Variants in TNFAIP8 observed in about 807,000 individuals in gnomAD.
TNFAIP8 encodes the protein tumor necrosis factor alpha-induced protein 8.
TNFAIP8 carries 7 observed loss-of-function variants against 13.3 expected under a neutral mutation model. That is an observed-to-expected ratio of 0.52 (90% CI 0.30 to 0.99). The LOEUF (loss-of-function observed/expected upper bound fraction) is 0.99, where lower values mean the gene tolerates loss of function less well. Ranked by LOEUF, TNFAIP8 falls within the 50% of genes least tolerant of loss-of-function variation. The pLI is 0.07. For missense variants in TNFAIP8, 258 were observed against 236.9 expected (o/e 1.09, Z -0.58); for synonymous variants, 94 against 87.6 (o/e 1.07, Z -0.41).
chr5:119,274,574 C>T (rs917875547), intron 1 of TNFAIP8, among the ~76,000 whole-genome samples: 1 of 152,192 alleles, frequency 6.6e-6, no homozygotes, highest in African/African-American at 2.4e-5. Context: ...CACACGTAGC[C>T]ACTTTGCTCC....
At chr5:119,370,787 G>A (rs1050431879) in intron 1 of TNFAIP8, among the ~76,000 whole-genome samples, 30 of 152,290 alleles carry the variant, frequency 2.0e-4, no homozygotes, top group Admixed American at 1.7e-3. Flanking sequence ...CAGTAAGTCA[G>A]CTCAAGAAAA....
At chr5:119,376,374 G>C (rs775736856) in intron 1 of TNFAIP8, among the ~76,000 whole-genome samples, 1 of 152,090 alleles carries the variant, frequency 6.6e-6, no homozygotes, top group Non-Finnish European at 1.5e-5. Flanking sequence ...GCCCACCTCA[G>C]CCTCCCAAAG....
intron 1 of TNFAIP8, among the ~76,000 whole-genome samples, chr5:119,317,842 C>A (rs1749945105): frequency 1.3e-5 from 2 of 152,148 alleles, no homozygotes; most frequent in African/African-American, 4.8e-5. Flanking sequence ...AAGTAATCTG[C>A]CCGCCTTGGC....
At chr5:119,389,223 G>C (rs1381098295) in intron 1 of TNFAIP8, among the ~76,000 whole-genome samples, 4 of 152,174 alleles carry the variant, frequency 2.6e-5, no homozygotes, top group African/African-American at 9.7e-5. Context: ...TAGTAGGGAG[G>C]CAGGAGAGAA....
intron 1 of TNFAIP8, among the ~76,000 whole-genome samples, chr5:119,357,077 C>G (rs1751454894): frequency 6.6e-6 from 1 of 152,186 alleles, no homozygotes; most frequent in African/African-American, 2.4e-5. Flanking sequence ...TTGGTAGACA[C>G]CAGTTAGGAA....
chr5:119,339,499 T>C (rs1309580423), intron 1 of TNFAIP8, among the ~76,000 whole-genome samples: 2 of 150,814 alleles, frequency 1.3e-5, no homozygotes. Flanking sequence ...TTTCTCTAAT[T>C]TGGTGACTGG....
At chr5:119,357,592 A>C (rs6882237) in intron 1 of TNFAIP8, among the ~76,000 whole-genome samples, 56,432 of 151,498 alleles carry the variant, frequency 0.37, 12,536 homozygotes, top group African/African-American at 0.62. Context: ...ATACATTCCC[A>C]TAGCAACATC....
intron 1 of TNFAIP8, among the ~76,000 whole-genome samples, chr5:119,329,232 G>T (rs1311092912): frequency 6.6e-6 from 1 of 152,214 alleles, no homozygotes; most frequent in East Asian, 1.9e-4. Flanking sequence ...GATTCTAAGA[G>T]AAATTAGAAG....
At chr5:119,382,098 G>A (rs1752510038) in intron 1 of TNFAIP8, among the ~76,000 whole-genome samples, 1 of 152,018 alleles carries the variant, frequency 6.6e-6, no homozygotes. Context: ...TTCCTAATTA[G>A]CCAGTAGGAA....
At chr5:119,385,560 C>G (rs749786956) in intron 1 of TNFAIP8, among the ~76,000 whole-genome samples, 1 of 152,010 alleles carries the variant, frequency 6.6e-6, no homozygotes, top group Non-Finnish European at 1.5e-5. Context: ...GCAGAGTCCT[C>G]GTAGTACTAA....
At chr5:119,362,986 A>G (rs551823017) in intron 1 of TNFAIP8, among the ~76,000 whole-genome samples, 2 of 152,186 alleles carry the variant, frequency 1.3e-5, no homozygotes, top group African/African-American at 2.4e-5. Flanking sequence ...TTGATTCCCC[A>G]TATGTAGTCT....
intron 1 of TNFAIP8, among the ~76,000 whole-genome samples, chr5:119,370,977 G>A (rs928458791): frequency 1.3e-5 from 2 of 152,126 alleles, no homozygotes; most frequent in African/African-American, 4.8e-5. Context: ...TCTATTTTGT[G>A]ATAATGTAAA....
chr5:119,325,710 A>G (rs1412276632), intron 1 of TNFAIP8, among the ~76,000 whole-genome samples: 1 of 152,074 alleles, frequency 6.6e-6, no homozygotes, highest in Non-Finnish European at 1.5e-5. Context: ...GGCCTCCCAT[A>G]GTGCTGGGAT....
At chr5:119,294,569 G>A (rs1287264959) in intron 1 of TNFAIP8, among the ~76,000 whole-genome samples, 1 of 152,096 alleles carries the variant, frequency 6.6e-6, no homozygotes, top group Admixed American at 6.5e-5. Context: ...CCCAGTAATG[G>A]ATGGCTGGGT....
chr5:119,301,049 C>G (rs750572713), intron 1 of TNFAIP8, among the ~76,000 whole-genome samples: 16 of 152,170 alleles, frequency 1.1e-4, no homozygotes, highest in Non-Finnish European at 1.6e-4. Context: ...AATTCAGATC[C>G]TTATTCATTG....
At chr5:119,362,036 G>A (rs1751654279) in intron 1 of TNFAIP8, among the ~76,000 whole-genome samples, 1 of 152,176 alleles carries the variant, frequency 6.6e-6, no homozygotes. Context: ...CACAGCACAT[G>A]TGCATCCATA....
At chr5:119,333,256 G>A (rs765059845) in intron 1 of TNFAIP8, 17 of 1,056,522 alleles carry the variant, frequency 1.6e-5, no homozygotes, top group Non-Finnish European at 1.9e-5. Context: ...GCAAGTGCAG[G>A]CAGCAACCAG....
intron 1 of TNFAIP8, among the ~76,000 whole-genome samples, chr5:119,303,119 C>G (rs1241566542): frequency 6.6e-6 from 1 of 152,138 alleles, no homozygotes; most frequent in African/African-American, 2.4e-5. Flanking sequence ...GAAACCAGAG[C>G]CTGGTTTCCC....
intron 1 of TNFAIP8, among the ~76,000 whole-genome samples, chr5:119,358,179 A>G (rs1476293746): frequency 6.8e-6 from 1 of 147,736 alleles, no homozygotes; most frequent in Non-Finnish European, 1.5e-5. Context: ...GAATGTCTGT[A>G]TTGCAAGAAA....
Sources: allele counts gnomAD v4.1 joint callset (sites outside exome capture counted in the v4.1 genomes callset), GRCh38; gene constraint gnomAD v4.1.1; transcripts MANE v1.5; gene names NCBI Gene and HGNC (gene_info 2026-07-23, HGNC 2026-07-21).